ASB4: variants seen among roughly 807,000 people sequenced by gnomAD.
ASB4 encodes the protein ankyrin repeat and SOCS box protein 4.
Under a neutral mutation model 38.6 loss-of-function variants are expected in ASB4, and 35 were observed. The observed-to-expected ratio is 0.91, with a 90% CI of 0.69 to 1.20. The LOEUF (loss-of-function observed/expected upper bound fraction) is 1.20, where lower values mean the gene tolerates loss of function less well. Among genes scored for constraint, ASB4 ranks in the 50% most tolerant of loss-of-function variants. The pLI is 0.00. For synonymous variants in ASB4, 195 were observed against 201.3 expected (o/e 0.97, Z 0.26); for missense variants, 557 against 527.2 (o/e 1.06, Z -0.55).
chr7:95,516,975 C>A (rs1790592591), intron 2 of ASB4, among the ~76,000 whole-genome samples: 1 of 152,194 alleles, frequency 6.6e-6, no homozygotes, highest in Admixed American at 6.5e-5. Context: ...ATCTATCCAA[C>A]TATATATAAT....
At chr7:95,524,330 A>AT (rs1240607474) in intron 2 of ASB4, among the ~76,000 whole-genome samples, 3 of 152,202 alleles carry the variant, frequency 2.0e-5, no homozygotes, top group Non-Finnish European at 4.4e-5. Context: ...AAGACAGATT[A>AT]TTTTCACCAA....
At chr7:95,516,470 TAAAC>T (rs1790584747) in intron 2 of ASB4, among the ~76,000 whole-genome samples, 1 of 152,090 alleles carries the variant, frequency 6.6e-6, no homozygotes, top group Non-Finnish European at 1.5e-5. Flanking sequence ...AAGTTAAAAA[TAAAC>T]AAAATGATAA....
intron 3 of ASB4, among the ~76,000 whole-genome samples, chr7:95,530,435 A>C (rs537504565): frequency 6.6e-6 from 1 of 152,278 alleles, no homozygotes; most frequent in Non-Finnish European, 1.5e-5. Flanking sequence ...ACTGCACTTC[A>C]CCCTGGGTGA....
intron 2 of ASB4, among the ~76,000 whole-genome samples, chr7:95,506,640 A>AT (rs977935425): frequency 7.2e-6 from 1 of 138,880 alleles, no homozygotes; most frequent in African/African-American, 2.7e-5. Flanking sequence ...TTACATCTTC[A>AT]TTTTTTTATG....
intron 3 of ASB4, among the ~76,000 whole-genome samples, chr7:95,532,329 A>G (rs1390766533): frequency 6.6e-6 from 1 of 152,200 alleles, no homozygotes; most frequent in Non-Finnish European, 1.5e-5. Flanking sequence ...GCCAATGTGT[A>G]AATTACATAA....
the ASB4 span, among the ~76,000 whole-genome samples, chr7:95,551,313 T>A: frequency 6.6e-6 from 1 of 152,218 alleles, no homozygotes; most frequent in Non-Finnish European, 1.5e-5. Context: ...AATGAGTTAT[T>A]CACATATCCC....
At chr7:95,492,109 G>T (rs1790180109) in intron 1 of ASB4, among the ~76,000 whole-genome samples, 1 of 152,172 alleles carries the variant, frequency 6.6e-6, no homozygotes, top group South Asian at 2.1e-4. Context: ...CTTAGGAGAG[G>T]TGAGTTGTAA....
intron 2 of ASB4, among the ~76,000 whole-genome samples, chr7:95,527,107 A>T (rs1790747298): frequency 6.6e-6 from 1 of 152,162 alleles, no homozygotes; most frequent in South Asian, 2.1e-4. Flanking sequence ...GAATATTTCT[A>T]CTATACCAGC....
intron 2 of ASB4, among the ~76,000 whole-genome samples, chr7:95,521,697 A>C (rs1295776188): frequency 6.6e-6 from 1 of 151,974 alleles, no homozygotes; most frequent in Non-Finnish European, 1.5e-5. Context: ...AAAAAAAAAA[A>C]AACAGTTCTC....
At chr7:95,519,675 C>T (rs370935035) in intron 2 of ASB4, among the ~76,000 whole-genome samples, 10 of 152,262 alleles carry the variant, frequency 6.6e-5, no homozygotes, top group South Asian at 4.2e-4. Flanking sequence ...CAAATCCTTA[C>T]GAATAAACCA....
chr7:95,500,134 G>A (rs1790313971), intron 2 of ASB4, among the ~76,000 whole-genome samples: 2 of 151,972 alleles, frequency 1.3e-5, no homozygotes, highest in Non-Finnish European at 2.9e-5. Flanking sequence ...ATGTGTCAAA[G>A]TCACCAGCCA....
chr7:95,515,951 A>T (rs1411525714), intron 2 of ASB4, among the ~76,000 whole-genome samples: 1 of 152,034 alleles, frequency 6.6e-6, no homozygotes, highest in East Asian at 1.9e-4. Flanking sequence ...ACTCTCCTTC[A>T]TGCCATGTTA....
At chr7:95,479,232 C>CA (rs1280810576) in intron 1 of ASB4, among the ~76,000 whole-genome samples, 1 of 152,210 alleles carries the variant, frequency 6.6e-6, no homozygotes, top group Non-Finnish European at 1.5e-5. Flanking sequence ...CCAGGTGTCT[C>CA]AGTCTGACGG....
At chr7:95,507,578 T>G (rs886266421) in intron 2 of ASB4, among the ~76,000 whole-genome samples, 1 of 152,186 alleles carries the variant, frequency 6.6e-6, no homozygotes, top group Non-Finnish European at 1.5e-5. Flanking sequence ...CCTCCCTCAC[T>G]AAACCATAAG....
At chr7:95,502,816 A>G (rs907196822) in intron 2 of ASB4, among the ~76,000 whole-genome samples, 2 of 152,320 alleles carry the variant, frequency 1.3e-5, no homozygotes, top group African/African-American at 4.8e-5. Context: ...ATAGATAGGC[A>G]CTTTTAATTT....
At chr7:95,478,196 A>G (rs188114449), upstream of ASB4, among the ~76,000 whole-genome samples, 205 of 152,322 alleles carry the variant, frequency 1.3e-3, 1 homozygote, top group South Asian at 0.013. Context: ...TGCTGCCTGG[A>G]GTACAATTGT....
At chr7:95,517,298 T>C (rs897280299) in intron 2 of ASB4, among the ~76,000 whole-genome samples, 34 of 152,166 alleles carry the variant, frequency 2.2e-4, no homozygotes, top group African/African-American at 8.0e-4. Context: ...ACTCCCCAAA[T>C]GCTGGGACTA....
rs1396970449 is a variant in ASB4 at position 95,539,698 on chromosome 7, T to C, written c.*1939T>C. The C allele has an allele frequency of 6.6e-6, 1 of 152,432 alleles. No individual in the cohort carries two copies. The highest frequency in any genetic ancestry group is 2.4e-5 in the African/African-American group (1 of 41,430). The allele number at this position is 152,432 out of a possible 1,614,324, so 9.4% of individuals were successfully genotyped here. On this transcript the variant is annotated 3_prime_UTR_variant, in exon 5 of 5. Transcript: ENST00000325885. ...GCTAAGCAATGAGGATGCAAAGACA[T>C]CCAGAGTGATATAATGGACTATGGG... is the stretch of plus-strand genomic sequence containing the variant.
intron 1 of ASB4, among the ~76,000 whole-genome samples, chr7:95,495,161 G>A (rs2116588302): frequency 6.6e-6 from 1 of 152,236 alleles, no homozygotes; most frequent in East Asian, 1.9e-4. Flanking sequence ...AAAGTTGAGA[G>A]TTGCCTTAAA....
Sources: gnomAD v4.1 joint callset for allele counts (sites outside exome capture counted in the v4.1 genomes callset) on GRCh38, gnomAD v4.1.1 for gene constraint, MANE v1.5 for transcripts, NCBI Gene and HGNC (gene_info 2026-07-23, HGNC 2026-07-21) for gene names.